Variants in SULF1 observed in about 807,000 individuals in gnomAD.
SULF1 encodes sulfatase 1, also known as extracellular sulfatase Sulf-1.
SULF1 carries 46 observed loss-of-function variants against 110.5 expected under a neutral mutation model. The ratio of observed to expected loss-of-function variants is 0.42; its 90% CI spans 0.33 to 0.53. The LOEUF (loss-of-function observed/expected upper bound fraction) is 0.53, where lower values mean the gene tolerates loss of function less well. Among genes scored for constraint, SULF1 ranks in the 20% least tolerant of loss-of-function variants. SULF1 has a pLI of 0.12. For missense variants in SULF1, 941 were observed against 1,094.2 expected (o/e 0.86, Z 1.98); for synonymous variants, 371 against 387.1 (o/e 0.96, Z 0.49).
intron 3 of SULF1, among the ~76,000 whole-genome samples, chr8:69,521,087 A>G (rs772504754): frequency 6.6e-6 from 1 of 152,220 alleles, no homozygotes; most frequent in Non-Finnish European, 1.5e-5. Flanking sequence ...AGTGTCAAGC[A>G]TAACACTTTA....
intron 5 of SULF1, 68 bp downstream of exon 5, chr8:69,564,215 C>A: frequency 2.5e-6 from 4 of 1,571,466 alleles, no homozygotes; most frequent in Non-Finnish European, 2.6e-6. Flanking sequence ...TCAGGATTAT[C>A]AGGAGACATT....
chr8:69,569,777 T>C (rs1054802575), intron 5 of SULF1, among the ~76,000 whole-genome samples: 1 of 152,168 alleles, frequency 6.6e-6, no homozygotes, highest in Non-Finnish European at 1.5e-5. Flanking sequence ...AAATGATGAG[T>C]CTTAGTGATC....
At chr8:69,554,157 A>G (rs539851697) in intron 3 of SULF1, among the ~76,000 whole-genome samples, 1 of 152,206 alleles carries the variant, frequency 6.6e-6, no homozygotes, top group Non-Finnish European at 1.5e-5. Flanking sequence ...CTGTTCTTGC[A>G]TATGCTGAGA....
intron 15 of SULF1, chr8:69,626,157 C>G (rs1377918648): frequency 2.2e-5 from 1 of 45,832 alleles, no homozygotes; most frequent in East Asian, 7.2e-4. Context: ...CTCCAAGGCC[C>G]CACCAGAGCA....
chr8:69,588,527 T>C (rs1806633424), intron 7 of SULF1, among the ~76,000 whole-genome samples: 2 of 152,198 alleles, frequency 1.3e-5, no homozygotes, highest in Non-Finnish European at 2.9e-5. Flanking sequence ...TGTATGTGTG[T>C]GTGTTCTGCA....
At chr8:69,507,735 A>T (rs998069850) in intron 3 of SULF1, among the ~76,000 whole-genome samples, 1 of 152,206 alleles carries the variant, frequency 6.6e-6, no homozygotes, top group Non-Finnish European at 1.5e-5. Context: ...TTGCAAAAAA[A>T]ATATTTTTTA....
intron 13 of SULF1, among the ~76,000 whole-genome samples, chr8:69,615,843 C>G (rs1264767989): frequency 6.6e-6 from 1 of 152,020 alleles, no homozygotes; most frequent in Non-Finnish European, 1.5e-5. Flanking sequence ...CTGCCTACAC[C>G]TTTGTGTTCT....
chr8:69,646,309 C>G (rs1398957592), intron 22 of SULF1, among the ~76,000 whole-genome samples: 2 of 152,198 alleles, frequency 1.3e-5, no homozygotes, highest in Non-Finnish European at 2.9e-5. Context: ...ATTTGAGGAC[C>G]AGTTGCTAAC....
chr8:69,581,799 G>A (rs1806083532), intron 6 of SULF1, among the ~76,000 whole-genome samples: 1 of 152,116 alleles, frequency 6.6e-6, no homozygotes, highest in Non-Finnish European at 1.5e-5. Context: ...AGGCCGGGGT[G>A]ATTACAAACG....
At chr8:69,516,909 G>C (rs1393544111) in intron 3 of SULF1, among the ~76,000 whole-genome samples, 1 of 152,116 alleles carries the variant, frequency 6.6e-6, no homozygotes, top group Non-Finnish European at 1.5e-5. Context: ...AAAGTTTAAA[G>C]TTTTGGTGGG....
chr8:69,591,078 CAG>C (rs1223977755), intron 8 of SULF1, among the ~76,000 whole-genome samples: 2 of 152,108 alleles, frequency 1.3e-5, no homozygotes, highest in African/African-American at 4.8e-5. Flanking sequence ...GTTGACAAAA[CAG>C]AGTGTTTTGT....
chr8:69,588,479 T>C (rs1338125493), intron 7 of SULF1, among the ~76,000 whole-genome samples: 1 of 152,200 alleles, frequency 6.6e-6, no homozygotes, highest in Non-Finnish European at 1.5e-5. Context: ...TTCTTGTGTT[T>C]ATGTATTCAT....
chr8:69,505,476 G>T (rs1297270666), intron 3 of SULF1, among the ~76,000 whole-genome samples: 1 of 151,980 alleles, frequency 6.6e-6, no homozygotes, highest in African/African-American at 2.4e-5. Context: ...TACCTATTTG[G>T]GATGGAAAAT....
At chr8:69,562,941 A>C (rs1229022567) in intron 3 of SULF1, 11 of 152,572 alleles carry the variant, frequency 7.2e-5, no homozygotes, top group Admixed American at 5.2e-4. Flanking sequence ...CCTTGCACGG[A>C]GGAAGCACCT....
intron 1 of SULF1, among the ~76,000 whole-genome samples, chr8:69,482,183 C>T (rs1809542179): frequency 6.6e-6 from 1 of 152,152 alleles, no homozygotes; most frequent in African/African-American, 2.4e-5. Context: ...GGGCATCAGA[C>T]TCTTTTGCTC....
At chr8:69,583,653 G>T (rs976094127) in intron 6 of SULF1, among the ~76,000 whole-genome samples, 7 of 152,132 alleles carry the variant, frequency 4.6e-5, no homozygotes, top group African/African-American at 1.4e-4. Context: ...GAATACATTG[G>T]ATTCATGAAC....
At chr8:69,514,962 A>G (rs1216567836) in intron 3 of SULF1, among the ~76,000 whole-genome samples, 5 of 152,158 alleles carry the variant, frequency 3.3e-5, no homozygotes, top group African/African-American at 4.8e-5. Flanking sequence ...TCTGCAGGGT[A>G]CAACCTCCTG....
chr8:69,600,833 G>T lies in SULF1; in HGVS notation c.885+80G>T, dbSNP rs74621721. The T allele has an allele frequency of 8.0e-4, 1,168 of 1,453,206 alleles. 29 individuals are homozygous for T. The East Asian group carries it at 0.024, about 30-fold the overall frequency. 90.0% of individuals were successfully genotyped at this position (1,453,206 alleles called of 1,614,324 possible). A position where few individuals can be genotyped will look rare whatever the true frequency, so the allele number is the denominator to read the frequency against. The stretch of plus-strand genomic sequence containing the variant: ...GACTTATTCTTGCCAATCCTGTTTG[G>T]TTTTTTCCCCTTCATTTTCCAGCAT... On this transcript the variant is annotated intron_variant, in intron 9 of 22. Transcript: ENST00000402687.
At chr8:69,551,886 G>A (rs1814747369) in intron 3 of SULF1, among the ~76,000 whole-genome samples, 1 of 152,190 alleles carries the variant, frequency 6.6e-6, no homozygotes, top group South Asian at 2.1e-4. Flanking sequence ...GAGGCCAGGA[G>A]TTTGAGACCA....
Sources: gnomAD v4.1 joint callset for allele counts (sites outside exome capture counted in the v4.1 genomes callset) on GRCh38, gnomAD v4.1.1 for gene constraint, MANE v1.5 for transcripts, NCBI Gene and HGNC (gene_info 2026-07-23, HGNC 2026-07-21) for gene names.